Variants in GSK3B observed in about 807,000 individuals in gnomAD.
GSK3B encodes the protein glycogen synthase kinase-3 beta.
A neutral mutation model predicts 56.4 loss-of-function variants in GSK3B; 15 were observed. That is an observed-to-expected ratio of 0.27 (90% confidence interval 0.18 to 0.41). GSK3B has a LOEUF of 0.41. Among genes scored for constraint, GSK3B ranks in the 10% least tolerant of loss-of-function variants. The probability of loss-of-function intolerance (pLI) is 1.00; values close to 1 mark genes in which losing one functional copy is unlikely to be tolerated. For synonymous variants in GSK3B, 181 were observed against 188.9 expected, an observed-to-expected ratio of 0.96 and a Z score of 0.34; for missense variants, 300 against 513.4, an observed-to-expected ratio of 0.58 and a Z score of 4.02.
At chr3:119,890,402 C>T (rs1002212521) in intron 7 of GSK3B, among the ~76,000 whole-genome samples, 6 of 151,980 alleles carry the variant, frequency 3.9e-5, no homozygotes, top group African/African-American at 9.7e-5. Flanking sequence ...TATATGATTT[C>T]GTTTATGAAA....
chr3:119,980,614 A>G (rs1303886385), intron 2 of GSK3B, among the ~76,000 whole-genome samples: 1 of 152,192 alleles, frequency 6.6e-6, no homozygotes, highest in Non-Finnish European at 1.5e-5. Context: ...TTGGCCTCCC[A>G]AAGTGCTGGC....
At chr3:120,009,654 C>A (rs1268871204) in intron 1 of GSK3B, among the ~76,000 whole-genome samples, 1 of 151,886 alleles carries the variant, frequency 6.6e-6, no homozygotes, top group South Asian at 2.1e-4. Flanking sequence ...AACACATGGA[C>A]ACAGGGAGGT....
chr3:119,830,702 A>G (rs147176886), intron 10 of GSK3B, among the ~76,000 whole-genome samples: 231 of 152,320 alleles, frequency 1.5e-3, no homozygotes, highest in Middle Eastern at 3.4e-3. Context: ...ACACTGATAC[A>G]TCTTTCTTAA....
chr3:119,972,399 G>A (rs902975790), intron 2 of GSK3B, among the ~76,000 whole-genome samples: 1 of 152,138 alleles, frequency 6.6e-6, no homozygotes. Context: ...GAATTAAGGG[G>A]AGGGGAAAAA....
intron 1 of GSK3B, among the ~76,000 whole-genome samples, chr3:120,030,441 CCT>C (rs375993862): frequency 4.6e-4 from 70 of 152,292 alleles, no homozygotes; most frequent in African/African-American, 1.3e-3. Flanking sequence ...GTCTCATTCC[CCT>C]GATTAAAACT....
intron 3 of GSK3B, among the ~76,000 whole-genome samples, chr3:119,930,080 T>TACACACACACACACACAC (rs71619762): frequency 1.3e-4 from 18 of 133,594 alleles, no homozygotes; most frequent in African/African-American, 4.9e-4. Context: ...TTCTGTCTCC[T>TACACACACACACACACAC]ACACACACAC....
chr3:120,043,124 C>T (rs185929091), intron 1 of GSK3B, among the ~76,000 whole-genome samples: 52 of 152,234 alleles, frequency 3.4e-4, no homozygotes, highest in Admixed American at 2.0e-3. Flanking sequence ...CTGGGGATCA[C>T]GTCCTCATCA....
intron 7 of GSK3B, among the ~76,000 whole-genome samples, chr3:119,879,136 G>C (rs939696502): frequency 1.3e-5 from 2 of 152,090 alleles, no homozygotes; most frequent in African/African-American, 4.8e-5. Flanking sequence ...AATCACATCA[G>C]GGTAAATGTG....
At chr3:119,990,479 C>A (rs984443918) in intron 2 of GSK3B, among the ~76,000 whole-genome samples, 1 of 152,190 alleles carries the variant, frequency 6.6e-6, no homozygotes, top group African/African-American at 2.4e-5. Context: ...TTAACTCTTA[C>A]AATAGATATG....
intron 3 of GSK3B, among the ~76,000 whole-genome samples, chr3:119,929,168 A>G (rs34759275): frequency 0.017 from 2,565 of 152,290 alleles, 128 homozygotes; most frequent in Admixed American, 0.11. Flanking sequence ...CAATATTCAG[A>G]AACAATCAGT....
chr3:119,990,698 G>A (rs992333306), intron 2 of GSK3B, among the ~76,000 whole-genome samples: 1 of 152,216 alleles, frequency 6.6e-6, no homozygotes, highest in Non-Finnish European at 1.5e-5. Context: ...GGAGACTGAG[G>A]TGGGTGGATC....
rs2055471101 is a variant in GSK3B, at chr3:119,824,548, A to G, written c.*2240T>C. 4.7e-6 allele frequency: 1 copy of G among 212,920 alleles called. No individual in the cohort carries two copies. Among genetic ancestry groups the G allele is most frequent in the African/African-American group, 2.3e-5 (1 of 44,274 alleles). The allele number at this position is 212,920 out of a possible 1,614,324, so 13.2% of individuals were successfully genotyped here. On this transcript the variant is annotated 3_prime_UTR_variant, in exon 11 of 11. Coordinates refer to ENST00000264235, the MANE Select transcript of GSK3B (RefSeq NM_001146156.2). ...GATCTGAATGCAGGTCCATTTCTCT[A>G]TCACAGACCTGCCTTTTCAGATTCT...
chr3:119,832,336 C>T (rs2055615089), intron 10 of GSK3B, among the ~76,000 whole-genome samples: 1 of 152,216 alleles, frequency 6.6e-6, no homozygotes, highest in African/African-American at 2.4e-5. Context: ...CGACTGCATC[C>T]CTGGCTAATG....
At chr3:119,948,777 C>T (rs1026323120) in intron 2 of GSK3B, among the ~76,000 whole-genome samples, 1 of 152,190 alleles carries the variant, frequency 6.6e-6, no homozygotes, top group African/African-American at 2.4e-5. Context: ...CGGCTCATTG[C>T]AACCTTTGCC....
At chr3:119,835,606 G>A (rs538549296) in intron 10 of GSK3B, among the ~76,000 whole-genome samples, 2 of 151,948 alleles carry the variant, frequency 1.3e-5, no homozygotes, top group East Asian at 3.9e-4. Flanking sequence ...GTAGAATAGA[G>A]GCAATTTTTA....
At chr3:119,990,749 T>G (rs1393522345) in intron 2 of GSK3B, among the ~76,000 whole-genome samples, 1 of 152,092 alleles carries the variant, frequency 6.6e-6, no homozygotes, top group African/African-American at 2.4e-5. Context: ...ACCAACATGG[T>G]GAAACCCCAT....
intron 7 of GSK3B, among the ~76,000 whole-genome samples, chr3:119,881,420 T>C (rs1404497980): frequency 6.6e-6 from 1 of 152,240 alleles, no homozygotes; most frequent in Non-Finnish European, 1.5e-5. Context: ...ATATGAGTTG[T>C]AGTTACATGA....
intron 3 of GSK3B, among the ~76,000 whole-genome samples, chr3:119,929,511 T>C (rs1357276677): frequency 6.6e-6 from 1 of 152,176 alleles, no homozygotes; most frequent in Non-Finnish European, 1.5e-5. Context: ...CTCATGCCTA[T>C]AATCCCAGCA....
intron 1 of GSK3B, among the ~76,000 whole-genome samples, chr3:120,089,416 C>T (rs778969245): frequency 1.6e-4 from 24 of 152,176 alleles, no homozygotes; most frequent in African/African-American, 2.9e-4. Flanking sequence ...ACAGGATTAT[C>T]AAGAAATGGA....
Sources: allele counts gnomAD v4.1 joint callset (sites outside exome capture counted in the v4.1 genomes callset), GRCh38; gene constraint gnomAD v4.1.1; transcripts MANE v1.5; gene names NCBI Gene and HGNC (gene_info 2026-07-23, HGNC 2026-07-21).